DHX57: variants seen among roughly 807,000 people sequenced by gnomAD.
The protein encoded by DHX57 is putative ATP-dependent RNA helicase DHX57.
A neutral mutation model predicts 156.2 loss-of-function variants in DHX57; 105 were observed. The observed-to-expected ratio is 0.67, with a 90% CI of 0.57 to 0.79. The LOEUF is 0.79. DHX57 is among the 30% of genes least tolerant of loss of function. The pLI, the probability that DHX57 is intolerant of heterozygous loss-of-function variation, is 0.00. For synonymous variants in DHX57, 704 were observed against 595.6 expected, an observed-to-expected ratio of 1.18 and a Z score of -2.65; for missense variants, 1,847 against 1,661.9, an observed-to-expected ratio of 1.11 and a Z score of -1.94.
intron 9 of DHX57, among the ~76,000 whole-genome samples, chr2:38,852,336 C>CT (rs58025139): frequency 0.3 from 38,758 of 129,998 alleles, 5,969 homozygotes; most frequent in Non-Finnish European, 0.36. Context: ...GCCACCAATC[C>CT]TTTTTTTTTT....
chr2:38,843,273 T>C (rs1672107346), intron 11 of DHX57, 63 bp from the exon 12 acceptor site: 1 of 1,542,602 alleles, frequency 6.5e-7, no homozygotes. Context: ...GGGAAAGAAT[T>C]CACCTGTTTC....
Position 38,863,458 on chromosome 2 carries a change from C to G in DHX57, c.286G>C (p.Val96Leu). 2 of 1,614,100 alleles carry G rather than the reference C, an allele frequency of 1.2e-6. No homozygotes were observed. Among genetic ancestry groups the G allele is most frequent in the East Asian group, 4.5e-5 (2 of 44,864 alleles). The stretch of plus-strand genomic sequence containing the variant: ...GTCATATGTAGAGTCTGAAGGGGTA[C>G]TTTGGCTTTGGGTTTCCATTTTGGG... ...SRPKWKPKAK[V>L]PLQTLHMTSE... Residue 96 changes from valine (V) to leucine (L), a missense_variant, in exon 3 of 24, where the codon GTA becomes CTA. By Grantham distance (32) the Val-to-Leu change is conservative. Transcript: ENST00000457308.
At chr2:38,862,716 T>A (rs1673300741) in intron 3 of DHX57, 1 of 159,922 alleles carries the variant, frequency 6.3e-6, no homozygotes, top group African/African-American at 2.4e-5. Flanking sequence ...CCTGTGTTCT[T>A]AACCACAGAA....
In DHX57 at chr2:38,863,454, G is replaced by A. The variant is rs759257700; in HGVS notation, c.290C>T (p.Pro97Leu). 2.8e-5 allele frequency: 45 copies of A among 1,613,586 alleles called. No individual in the cohort carries two copies. Among genetic ancestry groups the A allele is most frequent in the Non-Finnish European group, 3.8e-5 (45 of 1,179,892 alleles). ...RPKWKPKAKV[P>L]LQTLHMTSEN... is the part of the protein sequence containing the mutation. ...AGAAGTCATATGTAGAGTCTGAAGG[G>A]GTACTTTGGCTTTGGGTTTCCATTT... The change falls in exon 3 of 24, where the codon CCC becomes CTC. Residue 97 changes from proline (P) to leucine (L), a missense_variant. By Grantham distance (98) the Pro-to-Leu change is moderately conservative (BLOSUM62 -3). Coordinates refer to ENST00000457308, the MANE Select transcript of DHX57 (RefSeq NM_198963.3).
intron 23 of DHX57, among the ~76,000 whole-genome samples, chr2:38,798,910 T>A (rs867466645): frequency 6.6e-6 from 1 of 151,990 alleles, no homozygotes; most frequent in African/African-American, 2.4e-5. Context: ...GCCATTGCAC[T>A]CCAGCCTGGG....
chr2:38,852,196 T>C (rs1418504605), intron 9 of DHX57, among the ~76,000 whole-genome samples: 2 of 151,838 alleles, frequency 1.3e-5, no homozygotes, highest in African/African-American at 2.4e-5. Context: ...CAATTCCTTT[T>C]TTTTTTTTCT....
At position 38,861,041 on chromosome 2, in the gene DHX57, C is replaced by G. The variant is rs2124929274; in HGVS notation, c.1369G>C (p.Val457Leu). The change falls in exon 5 of 24, where the codon GTG (valine) becomes CTG (leucine). Residue 457 changes from valine to leucine, a missense_variant. Physicochemically the swap from Val to Leu is conservative, Grantham distance 32. Transcript: ENST00000457308. The stretch of plus-strand genomic sequence containing the variant: ...GAAACAAAAGAATTATTTGGAATCA[C>G]TGTTTTATGACAGGCAGGATTATTT... ...RINNPACHKT[V>L]IPNNSFVSNQ... 6.2e-7 allele frequency: 1 copy of G among 1,613,878 alleles called. No individual in the cohort carries two copies. Among genetic ancestry groups the G allele is most frequent in the Non-Finnish European group, 8.5e-7 (1 of 1,179,938 alleles).
chr2:38,838,684 C>A, intron 12 of DHX57: 1 of 421,470 alleles, frequency 2.4e-6, no homozygotes, highest in Admixed American at 2.6e-5. Context: ...AATCAATGGA[C>A]AGAGACCCCA....
intron 1 of DHX57, among the ~76,000 whole-genome samples, chr2:38,873,196 G>A (rs779581102): frequency 4.6e-5 from 7 of 152,126 alleles, no homozygotes; most frequent in African/African-American, 7.2e-5. Flanking sequence ...TCACCATGTT[G>A]GTCAGGCTGG....
chr2:38,806,391 T>C, intron 22 of DHX57, 168 bp downstream of exon 22: 2 of 720,780 alleles, frequency 2.8e-6, no homozygotes, highest in Admixed American at 6.4e-5. Context: ...AAATAGTCTT[T>C]CCAGAAATAG....
chr2:38,857,833 T>C (rs1047041661), intron 6 of DHX57, among the ~76,000 whole-genome samples: 3 of 152,232 alleles, frequency 2.0e-5, no homozygotes, highest in African/African-American at 7.2e-5. Context: ...CTTTGAGTCT[T>C]TGAAACAGGG....
chr2:38,845,459 G>C (rs72911298), intron 11 of DHX57, among the ~76,000 whole-genome samples: 3,910 of 152,126 alleles, frequency 0.026, 92 homozygotes, highest in African/African-American at 0.062. Context: ...GAATTAGGAG[G>C]GGGGCTTATT....
At chr2:38,812,373 G>C (rs1404982831) in intron 21 of DHX57, among the ~76,000 whole-genome samples, 1 of 152,162 alleles carries the variant, frequency 6.6e-6, no homozygotes, top group Non-Finnish European at 1.5e-5. Context: ...AAAAAGTTAA[G>C]GCTTTGAAAA....
chr2:38,848,529 T>A, intron 9 of DHX57, 127 bp from the exon 10 acceptor site: 1 of 934,808 alleles, frequency 1.1e-6, no homozygotes, highest in South Asian at 2.1e-5. Context: ...TTAACGTTCA[T>A]AGAACAATAT....
intron 13 of DHX57, among the ~76,000 whole-genome samples, chr2:38,834,613 G>A (rs1408759898): frequency 1.3e-5 from 2 of 152,168 alleles, no homozygotes; most frequent in Non-Finnish European, 2.9e-5. Flanking sequence ...GTGGAATACA[G>A]TAAACCTTGA....
chr2:38,802,464 T>C (rs1483032891), intron 23 of DHX57, among the ~76,000 whole-genome samples: 2 of 152,046 alleles, frequency 1.3e-5, no homozygotes, highest in East Asian at 3.9e-4. Context: ...ATTTTTGTAT[T>C]ATTAGTAGAG....
intron 21 of DHX57, among the ~76,000 whole-genome samples, chr2:38,807,277 A>G (rs1342110854): frequency 6.6e-6 from 1 of 151,342 alleles, no homozygotes; most frequent in Non-Finnish European, 1.5e-5. Flanking sequence ...CTGGTCTTGA[A>G]CTCCTGACCT....
Position 38,825,887 on chromosome 2 carries a change from G to C in DHX57, c.2974C>G (p.Pro992Ala), listed in dbSNP as rs1671062730. 6.2e-7 allele frequency: 1 copy of C among 1,614,028 alleles called. No homozygotes were observed. Among genetic ancestry groups the C allele is most frequent in the Non-Finnish European group, 8.5e-7 (1 of 1,180,012 alleles). The change falls in exon 16 of 24, where the codon CCA (proline) becomes GCA (alanine). Residue 992 changes from proline (P) to alanine (A), a missense_variant. By Grantham distance (27) the Pro-to-Ala change is conservative (BLOSUM62 -1). Transcript: ENST00000457308. ...YNHQLLKQQL[P>A]EIQRVPLEQL... ...TCCAATGGCACTCTTTGTATTTCTGGTAGCTGTTGTTTTAAAAGCTGGTGA... is the reference window on the plus strand; with the variant it reads ...TCCAATGGCACTCTTTGTATTTCTGCTAGCTGTTGTTTTAAAAGCTGGTGA...
intron 6 of DHX57, among the ~76,000 whole-genome samples, chr2:38,857,363 G>A (rs1210622696): frequency 6.6e-6 from 1 of 152,102 alleles, no homozygotes; most frequent in Non-Finnish European, 1.5e-5. Flanking sequence ...AATGGCCAAT[G>A]CTATAAAAAT....
Sources: gnomAD v4.1 joint callset for allele counts (sites outside exome capture counted in the v4.1 genomes callset) on GRCh38, gnomAD v4.1.1 for gene constraint, MANE v1.5 for transcripts, NCBI Gene and HGNC (gene_info 2026-07-23, HGNC 2026-07-21) for gene names.